Variants in RBFOX1 observed in about 807,000 individuals in gnomAD.
RBFOX1 encodes RNA binding fox-1 homolog 1.
Under a neutral mutation model 57.7 loss-of-function variants are expected in RBFOX1, and 8 were observed. That is an observed-to-expected ratio of 0.14 (90% CI 0.08 to 0.25). The LOEUF (loss-of-function observed/expected upper bound fraction) is 0.25. Ranked by LOEUF, RBFOX1 falls within the 10% of genes least tolerant of loss-of-function variation. The pLI is 1.00. For missense variants in RBFOX1, 611 were observed against 548.5 expected (o/e 1.11, Z -1.14); for synonymous variants, 326 against 222.4 (o/e 1.47, Z -4.15).
At position 7,454,104 on chromosome 16, in the gene RBFOX1, A is replaced by G. The variant is rs150836653; in HGVS notation, c.28-64043A>G. On this transcript the variant is annotated intron_variant, in intron 4 of 15. Transcript: ENST00000550418. Reference sequence around the variant, plus strand: ...AAAAATTAGCTGAGTGTGGTGGCCCATGCCTGTAATCCCAGCTACTCAGGA... The same window carrying G: ...AAAAATTAGCTGAGTGTGGTGGCCCGTGCCTGTAATCCCAGCTACTCAGGA... Among the ~76,000 whole-genome samples, 858 of 152,286 alleles carry G rather than the reference A, an allele frequency of 5.6e-3. 9 individuals carry two copies. Among genetic ancestry groups the G allele is most frequent in the African/African-American group, 0.02 (820 of 41,568 alleles).
intron 4 of RBFOX1, chr16:7,510,030 A>T: frequency 2.5e-6 from 1 of 404,460 alleles, no homozygotes; most frequent in Non-Finnish European, 3.3e-6. Flanking sequence ...TGTGAAACTG[A>T]GAGTAGGAGC....
intron 4 of RBFOX1, among the ~76,000 whole-genome samples, chr16:7,270,799 C>A (rs1168646895): frequency 6.6e-6 from 1 of 152,136 alleles, no homozygotes; most frequent in Non-Finnish European, 1.5e-5. Context: ...TTCTTCCTTC[C>A]CTATCAACTT....
chr16:6,154,306 T>C (rs1279064577), intron 1 of RBFOX1, among the ~76,000 whole-genome samples: 1 of 152,244 alleles, frequency 6.6e-6, no homozygotes, highest in African/African-American at 2.4e-5. Flanking sequence ...CAGTCACTTT[T>C]GCACCAAGTT....
At chr16:7,118,690 G>C (rs947895665) in intron 4 of RBFOX1, among the ~76,000 whole-genome samples, 4 of 152,162 alleles carry the variant, frequency 2.6e-5, no homozygotes, top group African/African-American at 9.7e-5. Flanking sequence ...TTCAAGGAGG[G>C]ATTAGTAAAG....
intron 2 of RBFOX1, among the ~76,000 whole-genome samples, chr16:6,579,947 T>C (rs541806258): frequency 1.3e-5 from 2 of 152,168 alleles, no homozygotes; most frequent in South Asian, 4.1e-4. Context: ...TGTTCATCTT[T>C]TTTTTGTTGT....
Position 6,501,873 on chromosome 16 carries a change from T to C in RBFOX1, c.-63-152730T>C, listed in dbSNP as rs76772304. ...CCCTCTTAGGACGTGTCTTCCACTC[T>C]GGCTTTACTTGTTCATAGATTCATG... On this transcript the variant is annotated intron_variant, in intron 2 of 15. Transcript: ENST00000550418. Among the ~76,000 whole-genome samples the C allele has an allele frequency of 2.7e-3, 416 of 152,348 alleles. 3 individuals carry two copies. The highest frequency in any genetic ancestry group is 9.2e-3 in the African/African-American group (381 of 41,588).
At chr16:6,102,508 T>A (rs1285157388) in intron 1 of RBFOX1, among the ~76,000 whole-genome samples, 1 of 152,160 alleles carries the variant, frequency 6.6e-6, no homozygotes, top group Admixed American at 6.5e-5. Flanking sequence ...AGGAAAAGTT[T>A]CCTTTCAGGC....
intron 2 of RBFOX1, among the ~76,000 whole-genome samples, chr16:6,507,557 A>C (rs910288174): frequency 3.4e-5 from 5 of 148,734 alleles, no homozygotes; most frequent in African/African-American, 1.2e-4. Context: ...TTGTAGTTCC[A>C]GCTACCCCCA....
intron 1 of RBFOX1, among the ~76,000 whole-genome samples, chr16:5,295,191 A>G (rs1567294430): frequency 6.6e-6 from 1 of 152,066 alleles, no homozygotes; most frequent in Admixed American, 6.6e-5. Context: ...GGAAGAGAAC[A>G]AACATCACAG....
At chr16:7,551,008 C>T (rs141000157) in intron 5 of RBFOX1, among the ~76,000 whole-genome samples, 4,513 of 148,656 alleles carry the variant, frequency 0.03, 215 homozygotes, top group African/African-American at 0.11. Flanking sequence ...GCGGGAAAAT[C>T]ACTTGAACCC....
chr16:5,613,118 G>A (rs906964872), intron 3 of RBFOX1, among the ~76,000 whole-genome samples: 1 of 152,180 alleles, frequency 6.6e-6, no homozygotes, highest in African/African-American at 2.4e-5. Context: ...GATTCCTCAG[G>A]TTTCTTTGAG....
At chr16:6,982,467 A>G (rs2089186162) in intron 3 of RBFOX1, among the ~76,000 whole-genome samples, 1 of 152,118 alleles carries the variant, frequency 6.6e-6, no homozygotes, top group Non-Finnish European at 1.5e-5. Flanking sequence ...GCTCCTTCTC[A>G]TTCGTTCATG....
intron 3 of RBFOX1, among the ~76,000 whole-genome samples, chr16:5,760,021 A>T (rs1401902848): frequency 1.3e-5 from 2 of 151,968 alleles, no homozygotes; most frequent in Non-Finnish European, 2.9e-5. Context: ...AAAAAAAAAA[A>T]ACCTTGTATT....
intron 4 of RBFOX1, among the ~76,000 whole-genome samples, chr16:5,967,134 G>C (rs1014142125): frequency 2.6e-5 from 4 of 151,964 alleles, no homozygotes; most frequent in Non-Finnish European, 5.9e-5. Context: ...TTGGGTAGTT[G>C]CAACAGAGAC....
intron 3 of RBFOX1, among the ~76,000 whole-genome samples, chr16:7,002,525 A>C (rs2092914391): frequency 6.6e-6 from 1 of 152,196 alleles, no homozygotes; most frequent in African/African-American, 2.4e-5. Context: ...CAGCCTGGCC[A>C]AAATGGTGAA....
intron 1 of RBFOX1, among the ~76,000 whole-genome samples, chr16:5,382,906 G>T (rs139900461): frequency 1.3e-5 from 2 of 152,120 alleles, no homozygotes; most frequent in South Asian, 2.1e-4. Context: ...TTATGATGAC[G>T]CAGAGAAGAA....
intron 1 of RBFOX1, among the ~76,000 whole-genome samples, chr16:6,284,334 T>C (rs1023883281): frequency 5.9e-5 from 9 of 152,166 alleles, no homozygotes; most frequent in Admixed American, 1.3e-4. Flanking sequence ...TTCACACCTG[T>C]ACCTAAACCA....
At chr16:6,944,894 G>C (rs2079196229) in intron 3 of RBFOX1, among the ~76,000 whole-genome samples, 1 of 152,170 alleles carries the variant, frequency 6.6e-6, no homozygotes. Context: ...GGGTAGCTAT[G>C]AATTTGCAGC....
At chr16:6,713,473 G>C (rs374917232) in intron 3 of RBFOX1, among the ~76,000 whole-genome samples, 1 of 152,030 alleles carries the variant, frequency 6.6e-6, no homozygotes, top group East Asian at 1.9e-4. Flanking sequence ...GTAGGGGTCT[G>C]TCCTGTGCAT....
Sources: gnomAD v4.1 joint callset for allele counts (sites outside exome capture counted in the v4.1 genomes callset) on GRCh38, gnomAD v4.1.1 for gene constraint, MANE v1.5 for transcripts, NCBI Gene and HGNC (gene_info 2026-07-23, HGNC 2026-07-21) for gene names.